RNF125: variants seen among roughly 807,000 people sequenced by gnomAD.
The protein encoded by RNF125 is ring finger protein 125.
In RNF125, 21 loss-of-function variants were observed where a neutral mutation model predicts 26.0. The ratio of observed to expected loss-of-function variants is 0.81; its 90% CI spans 0.57 to 1.16. RNF125 has a LOEUF of 1.16. RNF125 is among the 50% of genes most tolerant of loss of function. The pLI, the probability that RNF125 is intolerant of heterozygous loss-of-function variation, is 0.00. For missense variants in RNF125, 270 were observed against 299.4 expected, an observed-to-expected ratio of 0.90 and a Z score of 0.72; for synonymous variants, 95 against 109.2, an observed-to-expected ratio of 0.87 and a Z score of 0.81.
At chr18:32,060,586 G>C (rs2039425598) in intron 4 of RNF125, among the ~76,000 whole-genome samples, 1 of 152,140 alleles carries the variant, frequency 6.6e-6, no homozygotes, top group Admixed American at 6.6e-5. Context: ...GCATTGAGTA[G>C]AGACAAGTAA....
At chr18:32,080,847 G>A in the RNF125 span, among the ~76,000 whole-genome samples, 2 of 151,840 alleles carry the variant, frequency 1.3e-5, no homozygotes, top group Non-Finnish European at 1.5e-5. Flanking sequence ...CTGCACTCTA[G>A]CCTGGGGGAC....
chr18:32,028,325 A>AG (rs2039058669), intron 1 of RNF125, among the ~76,000 whole-genome samples: 1 of 142,386 alleles, frequency 7.0e-6, no homozygotes, highest in Non-Finnish European at 1.5e-5. Context: ...AAAAAAAAAA[A>AG]TAATAGGTAG....
At chr18:32,020,353 TCTTTG>T (rs1044330722) in intron 1 of RNF125, among the ~76,000 whole-genome samples, 15 of 151,632 alleles carry the variant, frequency 9.9e-5, no homozygotes, top group Admixed American at 9.9e-4. Flanking sequence ...CAGCCTTCTC[TCTTTG>T]CTTTGATTTT....
In RNF125 at chr18:32,032,739, A is replaced by G. The variant is rs2039110579; in HGVS notation, c.165-4377A>G. On this transcript the variant is annotated intron_variant, in intron 1 of 5. Transcript: ENST00000217740. The stretch of plus-strand genomic sequence containing the variant: ...GGGCTTGGTGGCTCACGCCTGTATA[A>G]TCCCAACTACTTGGGAGGCTGAGGC... Among the ~76,000 whole-genome samples, 4 of 152,230 alleles carry G rather than the reference A, an allele frequency of 2.6e-5. No individual in the cohort carries two copies. In the South Asian group the frequency reaches 8.3e-4, roughly 32 times the overall value.
chr18:32,059,607 G>A (rs2039416668), intron 4 of RNF125, among the ~76,000 whole-genome samples: 1 of 152,044 alleles, frequency 6.6e-6, no homozygotes, highest in African/African-American at 2.4e-5. Context: ...CCTTTGCTGT[G>A]CTGAAGCTTT....
chr18:32,064,304 T>G (rs148898245), intron 4 of RNF125, among the ~76,000 whole-genome samples: 2 of 151,786 alleles, frequency 1.3e-5, no homozygotes, highest in Admixed American at 6.6e-5. Context: ...CAACATGAGA[T>G]TTGGGCGGGG....
chr18:32,028,615 C>T (rs1225574482), intron 1 of RNF125, among the ~76,000 whole-genome samples: 5 of 144,658 alleles, frequency 3.5e-5, no homozygotes, highest in African/African-American at 5.1e-5. Flanking sequence ...GATGGGGTCT[C>T]GCTCTGTTAT....
intron 4 of RNF125, among the ~76,000 whole-genome samples, chr18:32,051,957 G>A (rs866382953): frequency 6.6e-6 from 1 of 151,592 alleles, no homozygotes; most frequent in South Asian, 2.1e-4. Flanking sequence ...CAGAGTGCTG[G>A]GATTACAGGC....
At chr18:32,057,092 T>TC (rs1212498318) in intron 4 of RNF125, among the ~76,000 whole-genome samples, 16 of 152,204 alleles carry the variant, frequency 1.1e-4, no homozygotes, top group Middle Eastern at 3.2e-3. Flanking sequence ...GGATTTTGTT[T>TC]CTACACCTTT....
chr18:32,040,620 G>T (rs1441090121), intron 2 of RNF125, among the ~76,000 whole-genome samples: 16 of 151,892 alleles, frequency 1.1e-4, no homozygotes. Context: ...TTTTTCTTCT[G>T]TTAGATTGTA....
intron 1 of RNF125, among the ~76,000 whole-genome samples, chr18:32,028,937 G>T (rs1478137550): frequency 1.3e-5 from 2 of 151,996 alleles, no homozygotes; most frequent in African/African-American, 4.8e-5. Context: ...CCATTTTTAT[G>T]AATATTTAAA....
chr18:32,042,046 T>C, intron 2 of RNF125, 133 bp from the exon 3 acceptor site: 1 of 668,238 alleles, frequency 1.5e-6, no homozygotes, highest in Non-Finnish European at 2.7e-6. Flanking sequence ...GTGGTACTGG[T>C]GTTACGAATG....
intron 4 of RNF125, among the ~76,000 whole-genome samples, chr18:32,063,701 C>T (rs1226243029): frequency 6.6e-6 from 1 of 152,122 alleles, no homozygotes; most frequent in African/African-American, 2.4e-5. Context: ...AATGGATAAG[C>T]AGACTGTGGG....
At chr18:32,080,194 A>G in the RNF125 span, among the ~76,000 whole-genome samples, 1 of 152,054 alleles carries the variant, frequency 6.6e-6, no homozygotes, top group Admixed American at 6.6e-5. Flanking sequence ...ACGCCCAGCT[A>G]ATTTTTGTAT....
the RNF125 span, among the ~76,000 whole-genome samples, chr18:32,078,984 A>AT: frequency 6.6e-6 from 1 of 152,200 alleles, no homozygotes; most frequent in African/African-American, 2.4e-5. Context: ...TCCCTTGACC[A>AT]TACATCTATT....
In RNF125 at chr18:32,033,610, C is replaced by T. The variant is rs143033799; in HGVS notation, c.165-3506C>T. On this transcript the variant is annotated intron_variant, in intron 1 of 5. Transcript: ENST00000217740. ...CCGAGGAGTGCGGATCACCTGAGGGCGAGAGTTTGAGACCAGCCTGACCAA... is the reference window on the plus strand; with the variant it reads ...CCGAGGAGTGCGGATCACCTGAGGGTGAGAGTTTGAGACCAGCCTGACCAA... 8.4e-3 allele frequency among the ~76,000 whole-genome samples: 1,265 copies of T among 151,188 alleles called. 23 individuals are homozygous for T. Among genetic ancestry groups the T allele is most frequent in the Middle Eastern group, 0.034 (10 of 292 alleles).
intron 2 of RNF125, chr18:32,041,784 C>T (rs2039221424): frequency 7.9e-6 from 1 of 126,016 alleles, no homozygotes. Context: ...GCGCCCGCCA[C>T]TACGCCCGGC....
intron 1 of RNF125, among the ~76,000 whole-genome samples, chr18:32,024,632 G>T (rs2039016323): frequency 6.6e-6 from 1 of 151,796 alleles, no homozygotes. Flanking sequence ...ATAGAGACAG[G>T]GTCTGCCTAT....
the RNF125 span, among the ~76,000 whole-genome samples, chr18:32,084,684 G>C: frequency 1.3e-5 from 2 of 152,194 alleles, no homozygotes; most frequent in Non-Finnish European, 2.9e-5. Flanking sequence ...AGTTTTGGGA[G>C]ACACAGTGTG....
Sources: gnomAD v4.1 joint callset for allele counts (sites outside exome capture counted in the v4.1 genomes callset) on GRCh38, gnomAD v4.1.1 for gene constraint, MANE v1.5 for transcripts, NCBI Gene and HGNC (gene_info 2026-07-23, HGNC 2026-07-21) for gene names.